Variants in CNTN1 observed in about 807,000 individuals in gnomAD.
CNTN1 encodes contactin 1.
CNTN1 carries 38 observed loss-of-function variants against 126.4 expected under a neutral mutation model. The observed-to-expected ratio is 0.30, with a 90% CI of 0.23 to 0.39. The LOEUF (loss-of-function observed/expected upper bound fraction) is 0.39, where lower values mean the gene tolerates loss of function less well. Among genes scored for constraint, CNTN1 ranks in the 10% least tolerant of loss-of-function variants. The probability of loss-of-function intolerance (pLI) is 1.00; values close to 1 mark genes in which losing one functional copy is unlikely to be tolerated. For missense variants in CNTN1, 1,009 were observed against 1,248.4 expected (o/e 0.81, Z 2.89); for synonymous variants, 413 against 422.6 (o/e 0.98, Z 0.28).
In CNTN1 at chr12:41,048,501, C is replaced by T. The variant is rs115061980; in HGVS notation, c.2980+19282C>T. Reference sequence around the variant, plus strand: ...GCTGAATGTTCTATGTTCCTAAGGACACCCCTCCACATGGAAGCCAGATTC... The same window carrying T: ...GCTGAATGTTCTATGTTCCTAAGGATACCCCTCCACATGGAAGCCAGATTC... On this transcript the variant is annotated intron_variant, in intron 23 of 23. Transcript: ENST00000551295. 3.0e-3 allele frequency among the ~76,000 whole-genome samples: 453 copies of T among 152,266 alleles called. 1 individual carries two copies. Among genetic ancestry groups the T allele is most frequent in the African/African-American group, 0.01 (434 of 41,564 alleles).
At chr12:40,854,523 CT>C (rs1285021367) in intron 1 of CNTN1, among the ~76,000 whole-genome samples, 1 of 152,002 alleles carries the variant, frequency 6.6e-6, no homozygotes, top group African/African-American at 2.4e-5. Context: ...TGTCTCTAAA[CT>C]TGGATCAGAA....
chr12:41,029,523 A>G (rs1949100967), intron 23 of CNTN1, among the ~76,000 whole-genome samples: 1 of 152,182 alleles, frequency 6.6e-6, no homozygotes, highest in African/African-American at 2.4e-5. Context: ...AGTTTATTTG[A>G]TTGTGGTAAT....
chr12:41,011,976 C>T (rs1352869887), intron 17 of CNTN1, among the ~76,000 whole-genome samples: 1 of 152,204 alleles, frequency 6.6e-6, no homozygotes, highest in Admixed American at 6.5e-5. Context: ...ACATTTTACT[C>T]CTAATTGCTG....
In CNTN1 at chr12:40,908,482, C is replaced by G; in HGVS notation, c.50C>G (p.Thr17Ser). Reference protein sequence around the residue: ...VSHLVIISITTCLAEFTWYRR... With the variant: ...VSHLVIISITSCLAEFTWYRR... ...CATCTTGTGATAATATCTATTACTA[C>G]CTGTTTAGCAGGTAAGAAATATCCT... Residue 17 changes from threonine (T) to serine (S), a missense_variant, in exon 2 of 24, where the codon ACC becomes AGC. Transcript: ENST00000551295. The G allele has an allele frequency of 2.5e-6, 4 of 1,605,700 alleles. No individual in the cohort carries two copies. Among genetic ancestry groups the G allele is most frequent in the Non-Finnish European group, 2.6e-6 (3 of 1,173,328 alleles).
chr12:40,781,519 T>C (rs1169085992), intron 1 of CNTN1, among the ~76,000 whole-genome samples: 3 of 152,018 alleles, frequency 2.0e-5, no homozygotes, highest in Non-Finnish European at 4.4e-5. Flanking sequence ...CTGCATGTAT[T>C]AGGAACAAAC....
At chr12:40,807,118 G>A (rs903868619) in intron 1 of CNTN1, among the ~76,000 whole-genome samples, 2 of 151,892 alleles carry the variant, frequency 1.3e-5, no homozygotes, top group Non-Finnish European at 2.9e-5. Context: ...GGACCCTAAA[G>A]GATGGATACT....
At chr12:41,063,147 C>T (rs1566247242) in intron 23 of CNTN1, among the ~76,000 whole-genome samples, 3 of 152,192 alleles carry the variant, frequency 2.0e-5, no homozygotes, top group Non-Finnish European at 4.4e-5. Flanking sequence ...CCAGTGGTTA[C>T]TCATAAAAAT....
chr12:40,867,880 T>TTTA (rs138493484), intron 1 of CNTN1, among the ~76,000 whole-genome samples: 27,612 of 148,128 alleles, frequency 0.19, 2,904 homozygotes, highest in Admixed American at 0.28. Context: ...GCTTTCTGAG[T>TTTA]TTATTATTAT....
At chr12:41,012,685 C>T (rs2120715873) in intron 17 of CNTN1, among the ~76,000 whole-genome samples, 1 of 152,290 alleles carries the variant, frequency 6.6e-6, no homozygotes, top group Non-Finnish European at 1.5e-5. Context: ...TAAGCCTGTC[C>T]CCCAAGTCTT....
At chr12:40,804,912 G>A (rs1417188335) in intron 1 of CNTN1, among the ~76,000 whole-genome samples, 1 of 151,696 alleles carries the variant, frequency 6.6e-6, no homozygotes, top group Non-Finnish European at 1.5e-5. Flanking sequence ...TTTTCACTGC[G>A]TATCAGATTA....
At chr12:40,854,636 A>T (rs1193933066) in intron 1 of CNTN1, among the ~76,000 whole-genome samples, 1 of 152,142 alleles carries the variant, frequency 6.6e-6, no homozygotes, top group Non-Finnish European at 1.5e-5. Context: ...CAGCAAGTGA[A>T]AGCTTTTCAC....
intron 23 of CNTN1, among the ~76,000 whole-genome samples, chr12:41,048,761 AG>A (rs1312581414): frequency 1.3e-5 from 2 of 152,138 alleles, no homozygotes; most frequent in African/African-American, 2.4e-5. Flanking sequence ...GGAGAGAAAG[AG>A]AAGAAGGAGA....
intron 1 of CNTN1, among the ~76,000 whole-genome samples, chr12:40,746,046 T>C (rs555390345): frequency 6.6e-6 from 1 of 152,268 alleles, no homozygotes; most frequent in East Asian, 1.9e-4. Flanking sequence ...AGAATTGATA[T>C]TTACTTTAAC....
chr12:40,987,036 C>G (rs1200707929), intron 16 of CNTN1, among the ~76,000 whole-genome samples: 2 of 152,080 alleles, frequency 1.3e-5, no homozygotes, highest in African/African-American at 2.4e-5. Flanking sequence ...CTCTAATGGG[C>G]TTTGAAAGAT....
intron 1 of CNTN1, among the ~76,000 whole-genome samples, chr12:40,803,916 C>T (rs1940747200): frequency 6.6e-6 from 1 of 151,898 alleles, no homozygotes; most frequent in Admixed American, 6.6e-5. Context: ...TTAAGCTGAT[C>T]TTAATACCTG....
intron 1 of CNTN1, among the ~76,000 whole-genome samples, chr12:40,872,776 G>A (rs1396328043): frequency 6.6e-6 from 1 of 151,570 alleles, no homozygotes; most frequent in Admixed American, 6.6e-5. Flanking sequence ...TGGTCAGGCT[G>A]GTCTCGAACT....
chr12:40,774,288 A>G (rs1939489911), intron 1 of CNTN1, among the ~76,000 whole-genome samples: 1 of 151,650 alleles, frequency 6.6e-6, no homozygotes, highest in Admixed American at 6.6e-5. Context: ...AGAGCTCCTC[A>G]GAAGGTTGCC....
At chr12:40,730,706 T>C (rs972870463) in intron 1 of CNTN1, among the ~76,000 whole-genome samples, 2 of 152,216 alleles carry the variant, frequency 1.3e-5, no homozygotes, top group African/African-American at 4.8e-5. Flanking sequence ...ACCACTGACA[T>C]GTTATATCAT....
intron 1 of CNTN1, among the ~76,000 whole-genome samples, chr12:40,870,912 G>A (rs1309330713): frequency 6.6e-6 from 1 of 152,116 alleles, no homozygotes; most frequent in Non-Finnish European, 1.5e-5. Flanking sequence ...GTTATATAGA[G>A]TTAGCAAACA....
Sources: gnomAD v4.1 joint callset for allele counts (sites outside exome capture counted in the v4.1 genomes callset) on GRCh38, gnomAD v4.1.1 for gene constraint, MANE v1.5 for transcripts, NCBI Gene and HGNC (gene_info 2026-07-23, HGNC 2026-07-21) for gene names.